The following COL5A2 variants were observed in gnomAD, a reference collection of about 807,000 sequenced individuals.
The protein encoded by COL5A2 is collagen alpha-2(V) chain.
COL5A2 carries 23 observed loss-of-function variants against 208.2 expected under a neutral mutation model. The ratio of observed to expected loss-of-function variants is 0.11; its 90% CI spans 0.08 to 0.16. The LOEUF (loss-of-function observed/expected upper bound fraction) is 0.16. Ranked by LOEUF, COL5A2 falls within the 10% of genes least tolerant of loss-of-function variation. COL5A2 has a pLI of 1.00. For synonymous variants in COL5A2, 625 were observed against 628.5 expected, an observed-to-expected ratio of 0.99 and a Z score of 0.08; for missense variants, 1,590 against 1,956.4, an observed-to-expected ratio of 0.81 and a Z score of 3.53.
chr2:189,430,715 A>C, the COL5A2 span, among the ~76,000 whole-genome samples: 1 of 152,192 alleles, frequency 6.6e-6, no homozygotes, highest in African/African-American at 2.4e-5. Flanking sequence ...ACTGCAGCTC[A>C]GCAGGGCCTA....
At chr2:189,388,386 C>T in the COL5A2 span, among the ~76,000 whole-genome samples, 2 of 152,082 alleles carry the variant, frequency 1.3e-5, no homozygotes, top group African/African-American at 2.4e-5. Flanking sequence ...AGGGAACAGA[C>T]ACTATAATAG....
Position 189,032,906 on chromosome 2 carries a change from T to C in COL5A2, c.*1164A>G, listed in dbSNP as rs537693025. ...TCATTAAAGGAAAAATAATAATACC[T>C]TTTTAGCCCTGCCTATCTCCAGTCT... On this transcript the variant is annotated 3_prime_UTR_variant, in exon 54 of 54. Transcript: ENST00000374866. 1.3e-5 allele frequency: 2 copies of C among 152,754 alleles called. No individual in the cohort carries two copies. The highest frequency in any genetic ancestry group is 4.1e-4 in the South Asian group (2 of 4,830). The allele number at this position is 152,754 out of a possible 1,614,324, so 9.5% of individuals were successfully genotyped here.
intron 51 of COL5A2, among the ~76,000 whole-genome samples, chr2:189,038,136 T>TAGTG (rs1553512752): frequency 6.6e-6 from 1 of 152,102 alleles, no homozygotes; most frequent in African/African-American, 2.4e-5. Context: ...GTCACCCAGG[T>TAGTG]AGTGAGCATA....
chr2:189,278,177 G>C, the COL5A2 span, among the ~76,000 whole-genome samples: 1 of 151,932 alleles, frequency 6.6e-6, no homozygotes, highest in African/African-American at 2.4e-5. Context: ...TCCTTCTCTC[G>C]ATAAGCTGAA....
chr2:189,399,404 C>T, the COL5A2 span, among the ~76,000 whole-genome samples: 351 of 152,064 alleles, frequency 2.3e-3, 1 homozygote, highest in Non-Finnish European at 4.5e-3. Flanking sequence ...GTGCCTGCCA[C>T]CACACCCAGC....
chr2:189,312,142 T>C, the COL5A2 span, among the ~76,000 whole-genome samples: 1 of 152,158 alleles, frequency 6.6e-6, no homozygotes, highest in African/African-American at 2.4e-5. Flanking sequence ...AGGTCCTCGA[T>C]GGTCTTGAAG....
chr2:189,367,522 A>T, the COL5A2 span, among the ~76,000 whole-genome samples: 5 of 152,338 alleles, frequency 3.3e-5, no homozygotes, highest in East Asian at 9.6e-4. Flanking sequence ...CTGTCAAAGC[A>T]CAACACTGAG....
At chr2:189,402,426 G>A in the COL5A2 span, among the ~76,000 whole-genome samples, 1 of 152,118 alleles carries the variant, frequency 6.6e-6, no homozygotes, top group African/African-American at 2.4e-5. Flanking sequence ...TCATCATGTT[G>A]GCCTGGATGG....
At chr2:189,372,333 C>G in the COL5A2 span, among the ~76,000 whole-genome samples, 8 of 152,140 alleles carry the variant, frequency 5.3e-5, no homozygotes, top group African/African-American at 1.9e-4. Context: ...CATTATAGTA[C>G]AAATTTTAGC....
intron 1 of COL5A2, among the ~76,000 whole-genome samples, chr2:189,149,807 C>G (rs568394744): frequency 6.6e-6 from 1 of 152,144 alleles, no homozygotes; most frequent in Admixed American, 6.5e-5. Context: ...AAGTCATTAA[C>G]CTCCAGAATA....
chr2:189,258,724 C>A, the COL5A2 span, among the ~76,000 whole-genome samples: 3 of 152,092 alleles, frequency 2.0e-5, no homozygotes, highest in African/African-American at 7.2e-5. Context: ...ATTCCTCTTT[C>A]ACCTAAAAGA....
chr2:189,057,157 C>T, intron 34 of COL5A2, 131 bp from the exon 35 acceptor site: 1 of 1,102,812 alleles, frequency 9.1e-7, no homozygotes, highest in Non-Finnish European at 1.4e-6. Context: ...GATGGTGCCT[C>T]ACACTGTGCA....
At chr2:189,276,670 T>C in the COL5A2 span, among the ~76,000 whole-genome samples, 1 of 152,152 alleles carries the variant, frequency 6.6e-6, no homozygotes, top group African/African-American at 2.4e-5. Context: ...ATCTACCTTA[T>C]AAAAAATATA....
the COL5A2 span, among the ~76,000 whole-genome samples, chr2:189,243,195 GA>G: frequency 6.6e-6 from 1 of 151,762 alleles, no homozygotes; most frequent in Non-Finnish European, 1.5e-5. Flanking sequence ...CTTAAAGGAA[GA>G]AAAAGAATGA....
At chr2:189,439,544 C>T in the COL5A2 span, among the ~76,000 whole-genome samples, 8 of 152,206 alleles carry the variant, frequency 5.3e-5, no homozygotes, top group Non-Finnish European at 1.0e-4. Context: ...ATGAATGATC[C>T]ACTGCACTAG....
the COL5A2 span, among the ~76,000 whole-genome samples, chr2:189,304,722 G>A: frequency 6.6e-6 from 1 of 152,108 alleles, no homozygotes. Flanking sequence ...AATTGGGCAG[G>A]GACAAATAGC....
chr2:189,058,248 G>C (rs1461965617), intron 33 of COL5A2, among the ~76,000 whole-genome samples, 181 bp downstream of exon 33: 1 of 152,112 alleles, frequency 6.6e-6, no homozygotes, highest in Non-Finnish European at 1.5e-5. Context: ...CTTCTTTTTA[G>C]CTGACACTTT....
the COL5A2 span, among the ~76,000 whole-genome samples, chr2:189,414,906 G>T: frequency 6.6e-6 from 1 of 151,892 alleles, no homozygotes; most frequent in Non-Finnish European, 1.5e-5. Flanking sequence ...CATAGGCAGC[G>T]CTTCCTCCAT....
At chr2:189,044,178 T>A (rs1281283806) in intron 47 of COL5A2, among the ~76,000 whole-genome samples, 1 of 152,226 alleles carries the variant, frequency 6.6e-6, no homozygotes. Flanking sequence ...CTTTGGAAGA[T>A]GACTGCAGTC....
Sources: gnomAD v4.1 joint callset for allele counts (sites outside exome capture counted in the v4.1 genomes callset) on GRCh38, gnomAD v4.1.1 for gene constraint, MANE v1.5 for transcripts, NCBI Gene and HGNC (gene_info 2026-07-23, HGNC 2026-07-21) for gene names.